SYT14: variants seen among roughly 807,000 people sequenced by gnomAD.
The protein encoded by SYT14 is synaptotagmin 14.
Under a neutral mutation model 74.2 loss-of-function variants are expected in SYT14, and 32 were observed. That is an observed-to-expected ratio of 0.43 (90% CI 0.33 to 0.58). The LOEUF (loss-of-function observed/expected upper bound fraction) is 0.58, where lower values mean the gene tolerates loss of function less well. SYT14 is among the 20% of genes least tolerant of loss of function. The pLI is 0.05. For synonymous variants in SYT14, 298 were observed against 337.7 expected (o/e 0.88, Z 1.29); for missense variants, 791 against 981.8 (o/e 0.81, Z 2.60).
chr1:210,163,570 A>G (rs1399740628), exon 10 of SYT14: 3 of 453,186 alleles, frequency 6.6e-6, no homozygotes, highest in Non-Finnish European at 1.3e-5. Context: ...CATTTCATAC[A>G]TTTAGGATTA....
chr1:209,963,591 C>G (rs2079109863), intron 2 of SYT14, among the ~76,000 whole-genome samples: 1 of 152,148 alleles, frequency 6.6e-6, no homozygotes, highest in Non-Finnish European at 1.5e-5. Flanking sequence ...TTATTCTGGC[C>G]TGTCATTTTC....
chr1:210,046,727 A>G (rs1223886941), intron 5 of SYT14, among the ~76,000 whole-genome samples: 1 of 152,232 alleles, frequency 6.6e-6, no homozygotes, highest in Non-Finnish European at 1.5e-5. Flanking sequence ...ACTTCATTGT[A>G]TAAATATACC....
At chr1:209,966,616 A>G (rs2079162085) in intron 2 of SYT14, among the ~76,000 whole-genome samples, 3 of 152,100 alleles carry the variant, frequency 2.0e-5, no homozygotes, top group Admixed American at 2.0e-4. Context: ...GAAATTTTAA[A>G]TTTACATTTT....
chr1:210,132,379 TG>T (rs1171511237), intron 7 of SYT14, among the ~76,000 whole-genome samples: 1 of 152,094 alleles, frequency 6.6e-6, no homozygotes, highest in Admixed American at 6.5e-5. Context: ...TCACCCTGCT[TG>T]GACATAATTG....
chr1:209,969,782 A>G (rs2079216589), intron 2 of SYT14, among the ~76,000 whole-genome samples: 1 of 151,812 alleles, frequency 6.6e-6, no homozygotes, highest in African/African-American at 2.4e-5. Context: ...CCTGGCCCTC[A>G]TTGTGGTTCT....
chr1:209,965,846 A>G (rs557881959), intron 2 of SYT14: 1 of 443,970 alleles, frequency 2.3e-6, no homozygotes, highest in African/African-American at 2.1e-5. Context: ...AAATCAATAG[A>G]TTATATATTT....
intron 2 of SYT14, among the ~76,000 whole-genome samples, chr1:210,012,542 G>A (rs150753721): frequency 2.3e-3 from 348 of 152,198 alleles, no homozygotes; most frequent in African/African-American, 7.8e-3. Flanking sequence ...GTATAATATT[G>A]AAAAGAGAGG....
intron 5 of SYT14, among the ~76,000 whole-genome samples, chr1:210,090,592 T>C (rs1413282101): frequency 2.6e-5 from 4 of 152,092 alleles, no homozygotes; most frequent in African/African-American, 9.7e-5. Context: ...CTAAATCCTC[T>C]TATAGATATA....
intron 5 of SYT14, among the ~76,000 whole-genome samples, chr1:210,035,583 A>AT (rs1300495861): frequency 6.6e-6 from 1 of 151,786 alleles, no homozygotes; most frequent in African/African-American, 2.4e-5. Flanking sequence ...TCTTGAGATA[A>AT]TTTTTTTATG....
chr1:210,166,789 A>G (rs2083460343), exon 10 of SYT14: 1 of 152,194 alleles, frequency 6.6e-6, no homozygotes, highest in African/African-American at 2.4e-5. Context: ...ATTGATATAG[A>G]ATATTAAGTG....
At chr1:210,079,110 T>C (rs1052941981) in intron 5 of SYT14, among the ~76,000 whole-genome samples, 7 of 152,140 alleles carry the variant, frequency 4.6e-5, no homozygotes, top group Non-Finnish European at 1.0e-4. Flanking sequence ...TGTTTTTTTT[T>C]AGCCTGAGTA....
chr1:210,155,346 G>A (rs1558227319), intron 7 of SYT14, among the ~76,000 whole-genome samples: 1 of 152,166 alleles, frequency 6.6e-6, no homozygotes, highest in Non-Finnish European at 1.5e-5. Flanking sequence ...TAAAGGCACA[G>A]TTAGGACATT....
intron 2 of SYT14, among the ~76,000 whole-genome samples, chr1:210,008,990 A>G (rs751936090): frequency 4.6e-5 from 7 of 152,328 alleles, no homozygotes; most frequent in Non-Finnish European, 8.8e-5. Flanking sequence ...TGGGCCACAC[A>G]TAAAATACCC....
At chr1:210,079,863 G>T (rs2081586881) in intron 5 of SYT14, among the ~76,000 whole-genome samples, 1 of 152,112 alleles carries the variant, frequency 6.6e-6, no homozygotes, top group East Asian at 1.9e-4. Flanking sequence ...CAAAAATATT[G>T]ATTGAAATTA....
chr1:209,938,407 G>A (rs1440654550), intron 1 of SYT14, 130 bp downstream of exon 1: 37 of 861,762 alleles, frequency 4.3e-5, no homozygotes, highest in Non-Finnish European at 6.2e-5. Context: ...GAAGACGCGC[G>A]GGGGTCCTGG....
intron 7 of SYT14, among the ~76,000 whole-genome samples, chr1:210,112,818 A>G (rs2082288778): frequency 6.6e-6 from 1 of 151,346 alleles, no homozygotes; most frequent in South Asian, 2.1e-4. Context: ...GGTGCAGGAT[A>G]TGGAAGGCAT....
At chr1:210,150,074 A>G (rs2083127481) in intron 7 of SYT14, among the ~76,000 whole-genome samples, 1 of 152,182 alleles carries the variant, frequency 6.6e-6, no homozygotes, top group Non-Finnish European at 1.5e-5. Flanking sequence ...ATTAAATCTC[A>G]TGGGCTCTAA....
At chr1:210,163,831 G>A (rs1275115567) in exon 10 of SYT14, 1 of 453,766 alleles carries the variant, frequency 2.2e-6, no homozygotes, top group African/African-American at 2.0e-5. Context: ...TTGCATGAAA[G>A]CTTAATAGCA....
chr1:209,959,711 G>A (rs1191321598), intron 2 of SYT14, among the ~76,000 whole-genome samples: 2 of 152,204 alleles, frequency 1.3e-5, no homozygotes, highest in African/African-American at 4.8e-5. Flanking sequence ...CATATGAAAT[G>A]TGTAGAATAG....
Sources: allele counts gnomAD v4.1 joint callset (sites outside exome capture counted in the v4.1 genomes callset), GRCh38; gene constraint gnomAD v4.1.1; transcripts MANE v1.5; gene names NCBI Gene and HGNC (gene_info 2026-07-23, HGNC 2026-07-21).